TECTA: variants seen among roughly 807,000 people sequenced by gnomAD.
TECTA encodes the protein alpha-tectorin.
TECTA carries 128 observed loss-of-function variants against 216.8 expected under a neutral mutation model. That is an observed-to-expected ratio of 0.59 (90% CI 0.51 to 0.68). The LOEUF is 0.68. Among genes scored for constraint, TECTA ranks in the 30% least tolerant of loss-of-function variants. The pLI is 0.00. For missense variants in TECTA, 2,551 were observed against 2,786.2 expected, an observed-to-expected ratio of 0.92 and a Z score of 1.90; for synonymous variants, 1,089 against 1,117.1, an observed-to-expected ratio of 0.97 and a Z score of 0.50.
chr11:121,133,076 G>A (rs1454073078), intron 10 of TECTA, among the ~76,000 whole-genome samples: 1 of 152,098 alleles, frequency 6.6e-6, no homozygotes, highest in East Asian at 1.9e-4. Flanking sequence ...TGAGAAACCT[G>A]GCCCATTGTA....
intron 1 of TECTA, among the ~76,000 whole-genome samples, chr11:121,102,258 G>T (rs1238870233): frequency 6.6e-6 from 1 of 151,172 alleles, no homozygotes; most frequent in South Asian, 2.1e-4. Flanking sequence ...AGGAAATCCA[G>T]GTCTCACTGG....
chr11:121,140,910 C>A (rs1169233120), intron 11 of TECTA: 1 of 152,342 alleles, frequency 6.6e-6, no homozygotes, highest in African/African-American at 2.4e-5. Context: ...TAAGTGCATT[C>A]ACAGGTACTG....
rs1158436318 is a variant in TECTA, at chr11:121,162,348, G to A, written c.5250G>A (p.Glu1750=). 1 of 1,613,488 alleles carries A rather than the reference G, an allele frequency of 6.2e-7. No individual in the cohort carries two copies. The highest frequency in any genetic ancestry group is 1.3e-5 in the African/African-American group (1 of 75,066). ...ACRSFGILST[E]WIEKENCSGV... is the part of the protein sequence containing the mutation. ...GCTCCTTCGGGATCCTTAGCACCGA[G>A]TGGATTGAGAAGGAGAATTGCTGTA... Residue 1750 remains glutamate, a synonymous_variant, in exon 16 of 24, where the codon GAG becomes GAA. Transcript: ENST00000392793.
Position 121,152,938 on chromosome 11 carries a change from G to T in TECTA, c.4163G>T (p.Arg1388Leu), listed in dbSNP as rs150016625. The change falls in exon 13 of 24, where the codon CGC becomes CTC. Residue 1388 changes from arginine to leucine, a missense_variant. Physicochemically the swap from Arg to Leu is moderately radical, Grantham distance 102 (BLOSUM62 -2). This residue lies in a region of TECTA where 2,375 missense variants were observed against 2,563.9 expected (regional missense o/e 0.93). Coordinates refer to ENST00000392793, the MANE Select transcript of TECTA (RefSeq NM_005422.4). ...AGCTGCGTGAGTGTCTGCCAGCCCC[G>T]CTGCGCCGCCATCCGCCTGAAGAGT... ...YESCVSVCQP[R>L]CAAIRLKSDC... 6.2e-7 allele frequency: 1 copy of T among 1,612,800 alleles called. No individual in the cohort carries two copies. Among genetic ancestry groups the T allele is most frequent in the African/African-American group, 1.3e-5 (1 of 75,018 alleles).
intron 17 of TECTA, among the ~76,000 whole-genome samples, chr11:121,166,029 C>T (rs1351245774): frequency 3.9e-5 from 6 of 152,250 alleles, no homozygotes; most frequent in African/African-American, 1.2e-4. Flanking sequence ...TTCACCTAAA[C>T]AGATAAAATG....
intron 20 of TECTA, among the ~76,000 whole-genome samples, chr11:121,183,276 C>T (rs4936592): frequency 0.033 from 5,033 of 152,128 alleles, 92 homozygotes; most frequent in Non-Finnish European, 0.051. Flanking sequence ...GGGCTGGGCT[C>T]GCAACATGGC....
intron 11 of TECTA, among the ~76,000 whole-genome samples, chr11:121,142,023 A>T (rs552706728): frequency 1.3e-5 from 2 of 152,118 alleles, no homozygotes; most frequent in Non-Finnish European, 2.9e-5. Context: ...GGCCTGGAGG[A>T]TTACACTTGC....
intron 20 of TECTA, 31 bp downstream of exon 20, chr11:121,168,956 A>G: frequency 1.9e-6 from 3 of 1,613,960 alleles, no homozygotes; most frequent in Non-Finnish European, 2.5e-6. Flanking sequence ...CAACATTCTC[A>G]GAGCTTCAGG....
chr11:121,174,672 C>T (rs1849363736), intron 20 of TECTA, among the ~76,000 whole-genome samples: 1 of 152,108 alleles, frequency 6.6e-6, no homozygotes, highest in African/African-American at 2.4e-5. Context: ...TGTGTCTCTG[C>T]CTGGCTTTGG....
intron 18 of TECTA, 106 bp from the exon 19 acceptor site, chr11:121,167,948 T>C: frequency 7.6e-6 from 10 of 1,317,620 alleles, no homozygotes; most frequent in Non-Finnish European, 1.1e-5. Flanking sequence ...CTCTAAATTA[T>C]GTATGGAAGG....
chr11:121,151,383 A>G (rs1404270703), intron 12 of TECTA, among the ~76,000 whole-genome samples: 1 of 152,238 alleles, frequency 6.6e-6, no homozygotes, highest in East Asian at 1.9e-4. Flanking sequence ...ATAAACACAT[A>G]AAGTACACAC....
Position 121,142,006 on chromosome 11 carries a change from GA to G in TECTA, c.3544-3548del, listed in dbSNP as rs1356749076. On this transcript the variant is annotated intron_variant, in intron 11 of 23. Transcript: ENST00000392793. ...AGAGCTTCCTGGAAGAGGAGACCCA[GA>G]GCTGAGGCCTGGAGGATTACACTTG... is the stretch of plus-strand genomic sequence containing the variant. Among the ~76,000 whole-genome samples, 4 of 152,166 alleles carry G rather than the reference GA, an allele frequency of 2.6e-5. No individual in the cohort carries two copies. In the East Asian group the frequency reaches 7.7e-4, roughly 29 times the overall value.
At chr11:121,157,820 C>A in intron 13 of TECTA, 21 bp from the exon 14 acceptor site, 3 of 1,613,134 alleles carry the variant, frequency 1.9e-6, no homozygotes, top group Non-Finnish European at 2.5e-6. Flanking sequence ...GAATTTAATG[C>A]AAACGGCGCC....
At position 121,160,221 on chromosome 11, in the gene TECTA, C is replaced by A; in HGVS notation, c.4776C>A (p.Thr1592=). 1 of 1,614,134 alleles carries A rather than the reference C, an allele frequency of 6.2e-7. No homozygotes were observed. Among genetic ancestry groups the A allele is most frequent in the Non-Finnish European group, 8.5e-7 (1 of 1,180,038 alleles). Residue 1592 remains threonine, a synonymous_variant, in exon 15 of 24, where the codon ACC becomes ACA. Coordinates refer to ENST00000392793, the MANE Select transcript of TECTA (RefSeq NM_005422.4). ...YSSEGFLVID[T]SPDIQIYYNG... ...GTGAGGGGTTTCTGGTGATTGACAC[C>A]AGCCCAGACATCCAGATATACTACA...
intron 16 of TECTA, 57 bp from the exon 17 acceptor site, chr11:121,165,216 A>G: frequency 1.3e-6 from 2 of 1,506,762 alleles, no homozygotes; most frequent in Non-Finnish European, 1.8e-6. Flanking sequence ...ACCAAAAGCT[A>G]CCGCATGTAG....
intron 11 of TECTA, among the ~76,000 whole-genome samples, chr11:121,139,700 A>AAT (rs1555125370): frequency 7.6e-4 from 116 of 152,116 alleles, no homozygotes; most frequent in African/African-American, 2.6e-3. Context: ...AAAAAAAAAA[A>AAT]AATAATGAAT....
intron 7 of TECTA, among the ~76,000 whole-genome samples, chr11:121,124,452 G>A (rs1386772188): frequency 6.6e-6 from 1 of 151,838 alleles, no homozygotes; most frequent in African/African-American, 2.4e-5. Flanking sequence ...CTCTTCCTTT[G>A]GCCACTTCTG....
chr11:121,145,211 C>G (rs1328500545), intron 11 of TECTA, among the ~76,000 whole-genome samples: 1 of 152,166 alleles, frequency 6.6e-6, no homozygotes, highest in South Asian at 2.1e-4. Context: ...AATAGAAACA[C>G]AAGAGTTCTA....
At chr11:121,162,047 C>T in intron 15 of TECTA, 28 bp from the exon 16 acceptor site, 1 of 1,613,098 alleles carries the variant, frequency 6.2e-7, no homozygotes, top group South Asian at 1.1e-5. Flanking sequence ...TCTCAGATGG[C>T]TGTTTTTGCT....
Sources: gnomAD v4.1 joint callset for allele counts (sites outside exome capture counted in the v4.1 genomes callset) on GRCh38, gnomAD v4.1.1 for gene constraint, gnomAD v4.1.1 regional missense constraint, MANE v1.5 for transcripts, NCBI Gene and HGNC (gene_info 2026-07-23, HGNC 2026-07-21) for gene names.